Variants in GLIS3 observed in about 807,000 individuals in gnomAD.
The protein encoded by GLIS3 is zinc finger protein GLIS3.
GLIS3 carries 53 observed loss-of-function variants against 78.6 expected under a neutral mutation model. The observed-to-expected ratio is 0.67, with a 90% CI of 0.54 to 0.85. GLIS3 has a LOEUF of 0.85. Ranked by LOEUF, GLIS3 falls within the 40% of genes least tolerant of loss-of-function variation. The pLI, the probability that GLIS3 is intolerant of heterozygous loss-of-function variation, is 0.00. For missense variants in GLIS3, 1,703 were observed against 1,231.1 expected, an observed-to-expected ratio of 1.38 and a Z score of -5.74; for synonymous variants, 684 against 509.9, an observed-to-expected ratio of 1.34 and a Z score of -4.60.
At chr9:3,907,592 C>A (rs2130659219) in intron 6 of GLIS3, among the ~76,000 whole-genome samples, 1 of 141,006 alleles carries the variant, frequency 7.1e-6, no homozygotes, top group South Asian at 2.4e-4. Flanking sequence ...TGGCTAGCAT[C>A]CTCCACCCCC....
At chr9:4,094,239 C>A (rs1188714067) in intron 4 of GLIS3, among the ~76,000 whole-genome samples, 1 of 152,208 alleles carries the variant, frequency 6.6e-6, no homozygotes, top group Non-Finnish European at 1.5e-5. Flanking sequence ...ACAAACATTT[C>A]TTACCTACCA....
At chr9:4,121,719 G>A (rs957744869) in intron 3 of GLIS3, among the ~76,000 whole-genome samples, 4 of 151,706 alleles carry the variant, frequency 2.6e-5, no homozygotes, top group African/African-American at 9.7e-5. Flanking sequence ...GTGACCTACT[G>A]GATCATACAC....
At chr9:3,839,926 C>G (rs10973740) in intron 9 of GLIS3, among the ~76,000 whole-genome samples, 17,065 of 152,144 alleles carry the variant, frequency 0.11, 1,025 homozygotes, top group East Asian at 0.15. Context: ...GAAACAGAGA[C>G]ACTTCAGAAA....
At chr9:4,470,158 C>T in the GLIS3 span, among the ~76,000 whole-genome samples, 14 of 152,226 alleles carry the variant, frequency 9.2e-5, no homozygotes, top group South Asian at 2.1e-4. Context: ...GATTCACAGC[C>T]GAATTCTACC....
chr9:4,280,319 C>G (rs571809878), intron 2 of GLIS3, among the ~76,000 whole-genome samples: 19 of 152,304 alleles, frequency 1.2e-4, no homozygotes, highest in Admixed American at 3.3e-4. Flanking sequence ...CACATGCCAG[C>G]CTGGGCTGTA....
chr9:4,364,671 C>G, the GLIS3 span, among the ~76,000 whole-genome samples: 1 of 137,750 alleles, frequency 7.3e-6, no homozygotes, highest in South Asian at 2.3e-4. Context: ...TGAGATAATG[C>G]TTATCTTTTT....
At chr9:4,399,738 T>C in the GLIS3 span, among the ~76,000 whole-genome samples, 80 of 152,280 alleles carry the variant, frequency 5.3e-4, no homozygotes, top group African/African-American at 1.8e-3. Flanking sequence ...GACTACAATG[T>C]GATACATGCT....
chr9:4,328,623 G>A (rs572840402), intron 2 of GLIS3, among the ~76,000 whole-genome samples: 6 of 152,356 alleles, frequency 3.9e-5, no homozygotes, highest in Admixed American at 1.3e-4. Context: ...TGTATGTTAA[G>A]AAGCAAGGAA....
At chr9:4,318,262 C>T (rs74930202) in intron 2 of GLIS3, among the ~76,000 whole-genome samples, 1 of 152,000 alleles carries the variant, frequency 6.6e-6, no homozygotes, top group Admixed American at 6.6e-5. Context: ...AGGATGAACC[C>T]ACAAATTTAA....
intron 2 of GLIS3, among the ~76,000 whole-genome samples, chr9:4,207,310 C>T (rs1463115903): frequency 6.6e-6 from 1 of 152,190 alleles, no homozygotes; most frequent in Admixed American, 6.5e-5. Flanking sequence ...ATATTTACAA[C>T]AGCCAGCATG....
chr9:4,311,128 G>C (rs1817345481), intron 2 of GLIS3, among the ~76,000 whole-genome samples: 1 of 152,210 alleles, frequency 6.6e-6, no homozygotes, highest in Admixed American at 6.5e-5. Flanking sequence ...ATACCTTTTG[G>C]CCAGGCGCGG....
chr9:3,931,855 T>C lies in GLIS3; in HGVS notation c.1983+505A>G, dbSNP rs184339407. ...AGATTTTCATACAAATCCAGAAATC[T>C]GCTTTTTCTCTAAGCTTAAAGAATG... On this transcript the variant is annotated intron_variant, in intron 6 of 10. Transcript: ENST00000381971. Among the ~76,000 whole-genome samples the C allele has an allele frequency of 1.2e-4, 19 of 152,372 alleles. No homozygotes were observed. In the East Asian group the frequency reaches 3.7e-3, roughly 29 times the overall value.
chr9:4,363,503 T>TA, the GLIS3 span, among the ~76,000 whole-genome samples: 1 of 152,116 alleles, frequency 6.6e-6, no homozygotes, highest in Non-Finnish European at 1.5e-5. Context: ...CTTGCTTTTT[T>TA]AAAAAAAGCA....
the GLIS3 span, among the ~76,000 whole-genome samples, chr9:4,470,065 A>G: frequency 6.6e-6 from 1 of 152,236 alleles, no homozygotes; most frequent in African/African-American, 2.4e-5. Flanking sequence ...AAGAAGTTAA[A>G]TCTCTGAATA....
the GLIS3 span, among the ~76,000 whole-genome samples, chr9:4,470,438 G>T: frequency 6.6e-6 from 1 of 152,202 alleles, no homozygotes; most frequent in Admixed American, 6.5e-5. Context: ...TAGGATGCAA[G>T]GCTAGTTCAA....
chr9:4,179,909 C>CAA (rs5896049), intron 2 of GLIS3, among the ~76,000 whole-genome samples: 50,061 of 144,274 alleles, frequency 0.35, 8,521 homozygotes, highest in South Asian at 0.49. Context: ...GACTCTGTCT[C>CAA]AAAAAAAAAA....
chr9:4,258,339 G>A (rs534303514), intron 2 of GLIS3, among the ~76,000 whole-genome samples: 2 of 152,112 alleles, frequency 1.3e-5, no homozygotes, highest in Non-Finnish European at 2.9e-5. Flanking sequence ...ATATACCAAT[G>A]CTGGTTTCTT....
chr9:3,900,857 G>T (rs61744686), intron 6 of GLIS3: 2 of 151,924 alleles, frequency 1.3e-5, no homozygotes, highest in Non-Finnish European at 2.9e-5. Flanking sequence ...CCACACCACG[G>T]TTGAGCCATT....
At chr9:4,449,884 G>A in the GLIS3 span, among the ~76,000 whole-genome samples, 1 of 150,568 alleles carries the variant, frequency 6.6e-6, no homozygotes, top group African/African-American at 2.5e-5. Context: ...CCACAAAGAT[G>A]GGGAGAAACT....
Sources: allele counts gnomAD v4.1 joint callset (sites outside exome capture counted in the v4.1 genomes callset), GRCh38; gene constraint gnomAD v4.1.1; transcripts MANE v1.5; gene names NCBI Gene and HGNC (gene_info 2026-07-23, HGNC 2026-07-21).